TENM2: variants seen among roughly 807,000 people sequenced by gnomAD.
TENM2 encodes the protein teneurin-2.
In TENM2, 52 loss-of-function variants were observed where a neutral mutation model predicts 245.2. That is an observed-to-expected ratio of 0.21 (90% CI 0.17 to 0.27). The LOEUF is 0.27. TENM2 is among the 10% of genes least tolerant of loss of function. TENM2 has a pLI of 1.00. For synonymous variants in TENM2, 1,363 were observed against 1,438.9 expected (o/e 0.95, Z 1.19); for missense variants, 3,046 against 3,666.8 (o/e 0.83, Z 4.37).
chr5:167,653,311 A>C (rs1208125197), intron 2 of TENM2: 1 of 152,090 alleles, frequency 6.6e-6, no homozygotes, highest in Admixed American at 6.6e-5. Context: ...CTGGAATGCA[A>C]GGGTGAAATC....
At chr5:167,972,606 G>C (rs766628761) in intron 4 of TENM2, among the ~76,000 whole-genome samples, 3 of 151,834 alleles carry the variant, frequency 2.0e-5, no homozygotes, top group Non-Finnish European at 2.9e-5. Flanking sequence ...TAGATCAAAG[G>C]GTATGTATAA....
chr5:167,572,990 T>C (rs1480439711), intron 2 of TENM2, among the ~76,000 whole-genome samples: 1 of 152,180 alleles, frequency 6.6e-6, no homozygotes, highest in African/African-American at 2.4e-5. Context: ...CCTTTATTAA[T>C]GAAAACTAAT....
chr5:167,140,183 A>T, the TENM2 span, among the ~76,000 whole-genome samples: 25 of 152,320 alleles, frequency 1.6e-4, no homozygotes, highest in South Asian at 1.9e-3. Context: ...GATACATAGT[A>T]GGTATATATA....
At chr5:168,241,976 T>G (rs765150119) in intron 25 of TENM2, among the ~76,000 whole-genome samples, 18 of 152,024 alleles carry the variant, frequency 1.2e-4, no homozygotes, top group Non-Finnish European at 2.2e-4. Flanking sequence ...TCAACAGAGA[T>G]CTAGACTCTT....
At chr5:167,555,249 T>A (rs554970929) in intron 2 of TENM2, among the ~76,000 whole-genome samples, 1 of 152,312 alleles carries the variant, frequency 6.6e-6, no homozygotes, top group African/African-American at 2.4e-5. Context: ...CTGGGAGATC[T>A]CAGCAGTTTG....
At chr5:167,249,981 G>A in the TENM2 span, among the ~76,000 whole-genome samples, 7 of 152,112 alleles carry the variant, frequency 4.6e-5, no homozygotes, top group Non-Finnish European at 7.4e-5. Context: ...TGGTAGTGGG[G>A]AGCCTTCCAG....
chr5:167,014,333 G>T, the TENM2 span, among the ~76,000 whole-genome samples: 1 of 151,896 alleles, frequency 6.6e-6, no homozygotes, highest in Non-Finnish European at 1.5e-5. Flanking sequence ...AGTCATGAGG[G>T]AAAAAATGAA....
chr5:167,634,527 A>G (rs998521127), intron 2 of TENM2, among the ~76,000 whole-genome samples: 6 of 151,842 alleles, frequency 4.0e-5, no homozygotes, highest in African/African-American at 1.5e-4. Flanking sequence ...AAATGACTCA[A>G]TCAAGGTCAT....
At chr5:167,652,004 C>T (rs1243418520) in intron 2 of TENM2, among the ~76,000 whole-genome samples, 1 of 152,178 alleles carries the variant, frequency 6.6e-6, no homozygotes, top group Non-Finnish European at 1.5e-5. Context: ...GCCTTAATTT[C>T]TACAGCTGTG....
intron 2 of TENM2, among the ~76,000 whole-genome samples, chr5:167,555,274 T>C (rs911932701): frequency 1.3e-5 from 2 of 152,194 alleles, no homozygotes; most frequent in African/African-American, 4.8e-5. Context: ...TAAAAATAGT[T>C]TTGACGAATG....
intron 2 of TENM2, among the ~76,000 whole-genome samples, chr5:167,731,963 A>T (rs2150560266): frequency 6.6e-6 from 1 of 152,284 alleles, no homozygotes; most frequent in South Asian, 2.1e-4. Context: ...GGCATACATG[A>T]TAATATTGTG....
intron 2 of TENM2, among the ~76,000 whole-genome samples, chr5:167,405,769 A>AAAC (rs1554145973): frequency 7.6e-5 from 11 of 145,286 alleles, no homozygotes; most frequent in African/African-American, 2.5e-4. Flanking sequence ...CACACACACA[A>AAAC]ACACACACAC....
At chr5:167,322,259 T>C (rs1420229512) in intron 1 of TENM2, among the ~76,000 whole-genome samples, 1 of 152,152 alleles carries the variant, frequency 6.6e-6, no homozygotes, top group African/African-American at 2.4e-5. Context: ...TGTTTTTGTT[T>C]TGTTTTGAAA....
At chr5:168,100,695 G>A (rs1375981705) in intron 9 of TENM2, among the ~76,000 whole-genome samples, 1 of 152,058 alleles carries the variant, frequency 6.6e-6, no homozygotes, top group Non-Finnish European at 1.5e-5. Context: ...GAGAACACAT[G>A]GACACAGGGA....
chr5:167,865,001 C>T (rs1251717794), intron 2 of TENM2, among the ~76,000 whole-genome samples: 1 of 152,208 alleles, frequency 6.6e-6, no homozygotes, highest in Non-Finnish European at 1.5e-5. Context: ...ATTGTTTCGG[C>T]ATCGGCATAC....
At chr5:167,362,902 T>C (rs974430223) in intron 1 of TENM2, among the ~76,000 whole-genome samples, 3 of 152,170 alleles carry the variant, frequency 2.0e-5, no homozygotes, top group Non-Finnish European at 4.4e-5. Flanking sequence ...TAATAATAGC[T>C]AATATCGATC....
At chr5:167,302,075 A>G (rs1461854742) in intron 1 of TENM2, among the ~76,000 whole-genome samples, 2 of 152,070 alleles carry the variant, frequency 1.3e-5, no homozygotes, top group Admixed American at 1.3e-4. Flanking sequence ...GATTTGGGAC[A>G]AGTTGCATTG....
chr5:167,881,238 G>T (rs1343321545), intron 3 of TENM2, among the ~76,000 whole-genome samples: 1 of 152,160 alleles, frequency 6.6e-6, no homozygotes, highest in Non-Finnish European at 1.5e-5. Context: ...ATAGCTCACA[G>T]CAGTTATTAT....
the TENM2 span, among the ~76,000 whole-genome samples, chr5:167,006,057 C>G: frequency 6.6e-6 from 1 of 152,216 alleles, no homozygotes; most frequent in African/African-American, 2.4e-5. Flanking sequence ...GAAGACCTTT[C>G]CATGTAGACT....
Sources: gnomAD v4.1 joint callset for allele counts (sites outside exome capture counted in the v4.1 genomes callset) on GRCh38, gnomAD v4.1.1 for gene constraint, MANE v1.5 for transcripts, NCBI Gene and HGNC (gene_info 2026-07-23, HGNC 2026-07-21) for gene names.